JAKMIP3: variants seen among roughly 807,000 people sequenced by gnomAD.
The protein encoded by JAKMIP3 is Janus kinase and microtubule interacting protein 3, also known as janus kinase and microtubule-interacting protein 3.
In JAKMIP3, 58 loss-of-function variants were observed where a neutral mutation model predicts 118.5. That is an observed-to-expected ratio of 0.49 (90% CI 0.40 to 0.61). The LOEUF is 0.61. Ranked by LOEUF, JAKMIP3 falls within the 20% of genes least tolerant of loss-of-function variation. The probability of loss-of-function intolerance (pLI) is 0.00; values close to 1 mark genes in which losing one functional copy is unlikely to be tolerated. For synonymous variants in JAKMIP3, 486 were observed against 451.2 expected, an observed-to-expected ratio of 1.08 and a Z score of -0.98; for missense variants, 950 against 1,109.0, an observed-to-expected ratio of 0.86 and a Z score of 2.04.
rs557833830 is a variant in JAKMIP3 at position 132,142,673 on chromosome 10, A to G, written c.1602+625A>G. Among the ~76,000 whole-genome samples the G allele has an allele frequency of 1.6e-3, 245 of 152,272 alleles. 1 individual carries two copies. Among genetic ancestry groups the G allele is most frequent in the African/African-American group, 5.8e-3 (241 of 41,562 alleles). ...AGGCCTCGTGGGGAGAGCGTGGGCC[A>G]TGGGTCGGGGGTCCTCTTGCCGCCC... On this transcript the variant is annotated intron_variant, in intron 11 of 23. Coordinates refer to ENST00000684848, the MANE Select transcript of JAKMIP3 (RefSeq NM_001323087.2).
chr10:132,164,790 G>T (rs1426656518), intron 21 of JAKMIP3, 55 bp downstream of exon 21: 5 of 1,224,532 alleles, frequency 4.1e-6, no homozygotes, highest in Non-Finnish European at 6.0e-6. Flanking sequence ...AGAGGAACCC[G>T]GTGTCACCCC....
chr10:132,113,940 G>A (rs931422897), intron 2 of JAKMIP3, among the ~76,000 whole-genome samples: 1 of 152,220 alleles, frequency 6.6e-6, no homozygotes, highest in Admixed American at 6.5e-5. Context: ...CGCCTCTCCC[G>A]GGAGGATGCC....
chr10:132,081,752 C>T (rs2041792681), intron 1 of JAKMIP3, among the ~76,000 whole-genome samples: 1 of 151,904 alleles, frequency 6.6e-6, no homozygotes, highest in Non-Finnish European at 1.5e-5. Context: ...AGCCAACTGG[C>T]CTTTCCGAGG....
chr10:132,036,586 G>A (rs1004199278), upstream of JAKMIP3, among the ~76,000 whole-genome samples: 1 of 151,604 alleles, frequency 6.6e-6, no homozygotes, highest in Non-Finnish European at 1.5e-5. Context: ...AAGGAGCGCG[G>A]CCGCGGGGAC....
intron 23 of JAKMIP3, among the ~76,000 whole-genome samples, chr10:132,180,626 CGTGTGTGCGTGCGTGT>C (rs1252198310): frequency 4.3e-5 from 1 of 23,358 alleles, no homozygotes; most frequent in Non-Finnish European, 6.7e-5. Context: ...CGTGTGTGTG[CGTGTGTGCGTGCGTGT>C]GTGCGTGTGC....
Position 132,117,428 on chromosome 10 carries a change from G to A in JAKMIP3, c.487G>A (p.Gly163Ser), listed in dbSNP as rs1414399904. The A allele has an allele frequency of 1.2e-6, 2 of 1,613,970 alleles. No homozygotes were observed. The highest frequency in any genetic ancestry group is 1.1e-5 in the South Asian group (1 of 91,086). The change falls in exon 3 of 24, where the codon GGC becomes AGC. Residue 163 changes from glycine to serine, a missense_variant. Physicochemically the swap from Gly to Ser is moderately conservative, Grantham distance 56. Coordinates refer to ENST00000684848, the MANE Select transcript of JAKMIP3 (RefSeq NM_001323087.2). This position sits in a 1 kb window ranked among gnomAD's most constrained non-coding sequence, Gnocchi z 8.6. ...GCAGCAGGAGATCTCCGAGCTCAAG[G>A]GCGCCAAAAGGCAGGTGGAGGAGGC... Reference protein sequence around the residue: ...KMQQEISELKGAKRQVEEALT... With the variant: ...KMQQEISELKSAKRQVEEALT...
Position 132,180,608 on chromosome 10 carries a change from T to TGCGTGC in JAKMIP3, c.*1104-1748_*1104-1747insCGTGCG, listed in dbSNP as rs1311815561. Among the ~76,000 whole-genome samples the TGCGTGC allele has an allele frequency of 4.2e-4, 12 of 28,416 alleles. 1 individual carries two copies. The highest frequency in any genetic ancestry group is 1.5e-3 in the African/African-American group (8 of 5,328). 18.6% of individuals were successfully genotyped at this position (28,416 alleles called of 152,430 possible). On this transcript the variant is annotated intron_variant, in intron 23 of 23. Transcript: ENST00000684848. ...GCGCGTGTGTGTGTGCGTGCGCGTG[T>TGCGTGC]GTGTGTGCGTGTGTGTGCGTGTGTG...
At chr10:132,153,662 A>T in intron 17 of JAKMIP3, 97 bp from the exon 18 acceptor site, 1 of 1,178,174 alleles carries the variant, frequency 8.5e-7, no homozygotes, top group Non-Finnish European at 1.3e-6. Flanking sequence ...AAGAGGAAGG[A>T]AGACCCAGGC....
chr10:132,168,803 GA>G lies in JAKMIP3; in HGVS notation c.*875del, dbSNP rs2059189843. 3 of 231,044 alleles carry G rather than the reference GA, an allele frequency of 1.3e-5. No homozygotes were observed. The highest frequency in any genetic ancestry group is 1.1e-4 in the Admixed American group (2 of 19,024). 14.3% of individuals were successfully genotyped at this position (231,044 alleles called of 1,614,324 possible). A position where few individuals can be genotyped will look rare whatever the true frequency, so the allele number is the denominator to read the frequency against. On this transcript the variant is annotated 3_prime_UTR_variant, in exon 23 of 24. Transcript: ENST00000684848. ...AGGCTGCCTCCATAGTGAATCTCCA[GA>G]AGTCACAGAGGCCCTGGGCACCCAG...
At chr10:132,154,897 C>T (rs372249818) in intron 19 of JAKMIP3, among the ~76,000 whole-genome samples, 96 of 53,860 alleles carry the variant, frequency 1.8e-3, no homozygotes, top group Admixed American at 5.4e-3. Flanking sequence ...TGGTGATGAT[C>T]GTGATCATGA....
At position 132,054,039 on chromosome 10, in the gene JAKMIP3, CAAAAA is replaced by C. The variant is rs5789112; in HGVS notation, c.-138+17318_-138+17322del. Among the ~76,000 whole-genome samples, 52 of 100,578 alleles carry C rather than the reference CAAAAA, an allele frequency of 5.2e-4. 1 individual carries two copies. The highest frequency in any genetic ancestry group is 1.1e-3 in the African/African-American group (29 of 26,592). The allele number at this position is 100,578 out of a possible 152,430, so 66.0% of individuals were successfully genotyped here. On this transcript the variant is annotated intron_variant, in intron 1 of 23. Transcript: ENST00000657785. ...TGGGTGACAGAGTGAGACTCTGTCTCAAAAAAAAAAAAAAAAAAAAATGCTGGCCA... is the reference window on the plus strand; with the variant it reads ...TGGGTGACAGAGTGAGACTCTGTCTCAAAAAAAAAAAAAAAATGCTGGCCA...
intron 2 of JAKMIP3, among the ~76,000 whole-genome samples, chr10:132,111,639 A>T (rs2046895640): frequency 6.6e-6 from 1 of 151,970 alleles, no homozygotes; most frequent in Non-Finnish European, 1.5e-5. Flanking sequence ...CAACAAGGAA[A>T]GCCGGCCTCC....
chr10:132,099,092 G>T (rs962057504), intron 1 of JAKMIP3, among the ~76,000 whole-genome samples: 1 of 152,150 alleles, frequency 6.6e-6, no homozygotes, highest in Admixed American at 6.6e-5. Context: ...AGGCTGCTCG[G>T]GTGTGGACAG....
intron 1 of JAKMIP3, among the ~76,000 whole-genome samples, 199 bp downstream of exon 1, chr10:132,066,260 G>C (rs185963398): frequency 2.0e-3 from 306 of 152,344 alleles, no homozygotes; most frequent in Admixed American, 9.5e-3. Context: ...CCGTTTTCAC[G>C]TTCATGCTCA....
In JAKMIP3 at chr10:132,059,290, C is replaced by T. The variant is rs1309771368; in HGVS notation, c.-138+22552C>T. The stretch of plus-strand genomic sequence containing the variant: ...ATCGTGATGAAGCAGCTTTGGGAGG[C>T]TGGACCCTGTGCCTGCCAGGAGACA... On this transcript the variant is annotated intron_variant, in intron 1 of 23. Coordinates refer to the JAKMIP3 transcript ENST00000657785. Among the ~76,000 whole-genome samples the T allele has an allele frequency of 2.0e-5, 3 of 152,354 alleles. No individual in the cohort carries two copies. The East Asian group carries it at 5.8e-4, about 29-fold the overall frequency.
At chr10:132,114,116 C>T (rs973963665) in intron 2 of JAKMIP3, among the ~76,000 whole-genome samples, 8 of 152,256 alleles carry the variant, frequency 5.3e-5, no homozygotes, top group African/African-American at 1.2e-4. Flanking sequence ...AAAATTGCCA[C>T]GTGGTACCCA....
intron 23 of JAKMIP3, among the ~76,000 whole-genome samples, chr10:132,169,528 C>T (rs1204814390): frequency 1.3e-5 from 2 of 152,116 alleles, no homozygotes; most frequent in East Asian, 1.9e-4. Flanking sequence ...GAGCTTTCCT[C>T]GCCAGCGGGG....
intron 5 of JAKMIP3, 29 bp downstream of exon 5, chr10:132,135,189 T>C (rs368982037): frequency 6.3e-7 from 1 of 1,576,838 alleles, no homozygotes. Context: ...TTCTGGCTCC[T>C]GGGGGTTTGT....
At chr10:132,078,804 C>CT (rs1346585785) in intron 1 of JAKMIP3, among the ~76,000 whole-genome samples, 25 of 148,124 alleles carry the variant, frequency 1.7e-4, no homozygotes, top group Non-Finnish European at 3.2e-4. Flanking sequence ...CTCCCTTGGC[C>CT]CGGCCGCCAG....
Sources: allele counts gnomAD v4.1 joint callset (sites outside exome capture counted in the v4.1 genomes callset), GRCh38; gene constraint gnomAD v4.1.1; non-coding constraint Gnocchi (gnomAD v3.1); transcripts MANE v1.5; gene names NCBI Gene and HGNC (gene_info 2026-07-23, HGNC 2026-07-21).